The following UTP18 variants were observed in gnomAD, a reference collection of about 807,000 sequenced individuals.
UTP18 encodes the protein UTP18 small subunit processome component.
Under a neutral mutation model 61.1 loss-of-function variants are expected in UTP18, and 36 were observed. The ratio of observed to expected loss-of-function variants is 0.59; its 90% CI spans 0.45 to 0.78. UTP18 has a LOEUF of 0.78. UTP18 is among the 30% of genes least tolerant of loss of function. UTP18 has a pLI of 0.00. For synonymous variants in UTP18, 282 were observed against 251.1 expected (o/e 1.12, Z -1.16); for missense variants, 753 against 693.9 (o/e 1.09, Z -0.96).
chr17:51,268,983 C>A, intron 4 of UTP18, 79 bp downstream of exon 4: 1 of 1,430,302 alleles, frequency 7.0e-7, no homozygotes, highest in Non-Finnish European at 9.7e-7. Context: ...TCTTATGAGG[C>A]TCATTAAAAC....
chr17:51,264,028 CT>C (rs1243046042), intron 2 of UTP18, among the ~76,000 whole-genome samples: 1,468 of 143,420 alleles, frequency 0.01, 23 homozygotes, highest in African/African-American at 0.03. Context: ...TTCTTTTTCC[CT>C]TTTTTTTTTT....
intron 3 of UTP18, among the ~76,000 whole-genome samples, chr17:51,267,641 C>T (rs1043115235): frequency 1.3e-5 from 2 of 152,050 alleles, no homozygotes; most frequent in Non-Finnish European, 2.9e-5. Flanking sequence ...AATTCAATTA[C>T]GTATTTTGGT....
chr17:51,260,976 G>C (rs1019003543), intron 1 of UTP18, 50 bp downstream of exon 1: 1 of 1,411,296 alleles, frequency 7.1e-7, no homozygotes, highest in Non-Finnish European at 9.2e-7. Context: ...CGGGGCGCGC[G>C]GTGGGCGGTG....
At chr17:51,266,416 C>G in intron 3 of UTP18, 136 bp downstream of exon 3, 1 of 556,044 alleles carries the variant, frequency 1.8e-6, no homozygotes, top group Non-Finnish European at 2.8e-6. Context: ...GACTAAATTT[C>G]TGTAGTTTTT....
chr17:51,288,580 C>T (rs966024759), intron 11 of UTP18: 10 of 457,328 alleles, frequency 2.2e-5, no homozygotes, highest in African/African-American at 1.0e-4. Context: ...AGGCAATTCT[C>T]GGGTTTTGAA....
In UTP18 at chr17:51,285,286, T is replaced by G. The variant is rs762636224; in HGVS notation, c.1246T>G (p.Cys416Gly). Reference protein sequence around the residue: ...VYVWDVNSRKCLNRFVDEGSL... With the variant: ...VYVWDVNSRKGLNRFVDEGSL... ...TGTTTGGGATGTGAACTCAAGGAAG[T>G]GCCTTAACAGATTTGTTGATGAAGG... The change falls in exon 10 of 14, where the codon TGC becomes GGC. Residue 416 changes from cysteine to glycine, a missense_variant. By Grantham distance (159) the Cys-to-Gly change is radical. Coordinates refer to ENST00000225298, the MANE Select transcript of UTP18 (RefSeq NM_016001.3). 1 of 1,613,974 alleles carries G rather than the reference T, an allele frequency of 6.2e-7. No individual in the cohort carries two copies. Among genetic ancestry groups the G allele is most frequent in the Non-Finnish European group, 8.5e-7 (1 of 1,179,938 alleles).
At chr17:51,277,345 C>G in intron 7 of UTP18, 41 bp downstream of exon 7, 4 of 1,603,138 alleles carry the variant, frequency 2.5e-6, no homozygotes, top group Non-Finnish European at 3.4e-6. Context: ...TCATTCCCCC[C>G]AAGGTGAGTT....
At chr17:51,277,359 G>T in intron 7 of UTP18, 55 bp downstream of exon 7, 2 of 1,583,370 alleles carry the variant, frequency 1.3e-6, no homozygotes, top group South Asian at 2.3e-5. Flanking sequence ...GTGAGTTTAT[G>T]TAACAGTGTT....
At chr17:51,295,403 C>T (rs1029772649) in intron 12 of UTP18, among the ~76,000 whole-genome samples, 2 of 152,178 alleles carry the variant, frequency 1.3e-5, no homozygotes, top group Non-Finnish European at 2.9e-5. Flanking sequence ...GACCCAGTTT[C>T]AGCTTTCTAC....
At chr17:51,273,092 A>G (rs1221827095) in intron 4 of UTP18, among the ~76,000 whole-genome samples, 6 of 152,176 alleles carry the variant, frequency 3.9e-5, no homozygotes, top group Non-Finnish European at 7.3e-5. Flanking sequence ...TTTAGTAACC[A>G]TCTGTGTATG....
At chr17:51,293,649 G>C (rs191037980) in intron 11 of UTP18, among the ~76,000 whole-genome samples, 1 of 152,192 alleles carries the variant, frequency 6.6e-6, no homozygotes, top group South Asian at 2.1e-4. Flanking sequence ...ACACTTAAGA[G>C]CCCAGACTTC....
At position 51,288,105 on chromosome 17, in the gene UTP18, A is replaced by C; in HGVS notation, c.1405A>C (p.Ile469Leu). ...AACAAACCCAAAGCCAATAAAAGCT[A>C]TAATGAACTTGGTTACAGGTGTTAC... ...QETNPKPIKA[I>L]MNLVTGVTSL... Residue 469 changes from isoleucine to leucine, a missense_variant, in exon 11 of 14, where the codon ATA (isoleucine) becomes CTA (leucine). Coordinates refer to ENST00000225298, the MANE Select transcript of UTP18 (RefSeq NM_016001.3). 3 of 1,611,364 alleles carry C rather than the reference A, an allele frequency of 1.9e-6. No individual in the cohort carries two copies. Among genetic ancestry groups the C allele is most frequent in the South Asian group, 1.1e-5 (1 of 90,178 alleles).
At chr17:51,285,207 G>C in intron 9 of UTP18, 38 bp from the exon 10 acceptor site, 1 of 1,609,906 alleles carries the variant, frequency 6.2e-7, no homozygotes, top group Non-Finnish European at 8.5e-7. Context: ...CAAGTTTAAA[G>C]CAAAATTAAC....
In UTP18 at chr17:51,266,302, A is replaced by G; in HGVS notation, c.554+22A>G. On this transcript the variant is annotated intron_variant, in intron 3 of 13. Transcript: ENST00000225298. ...AAGAGTAAGTGTCTTTTTTCATATG[A>G]TTTACCAAGAGGTGTATGTAACCAA... 1.9e-6 allele frequency: 3 copies of G among 1,545,716 alleles called. No homozygotes were observed. In the South Asian group the frequency reaches 3.7e-5, roughly 19 times the overall value.
intron 6 of UTP18, among the ~76,000 whole-genome samples, chr17:51,276,759 T>A (rs1904734575): frequency 6.6e-6 from 1 of 152,196 alleles, no homozygotes; most frequent in African/African-American, 2.4e-5. Flanking sequence ...TAACACTTGG[T>A]CCAGTTCATG....
chr17:51,288,577 T>G, intron 11 of UTP18: 1 of 457,536 alleles, frequency 2.2e-6, no homozygotes, highest in Non-Finnish European at 4.4e-6. Flanking sequence ...CGGAGGCAAT[T>G]CTCGGGTTTT....
intron 7 of UTP18, among the ~76,000 whole-genome samples, chr17:51,278,906 G>T (rs1016204169): frequency 1.6e-4 from 24 of 152,122 alleles, no homozygotes; most frequent in African/African-American, 5.6e-4. Context: ...AAATAATATT[G>T]GGGAGCATGA....
chr17:51,288,563 A>C, intron 11 of UTP18: 1 of 458,442 alleles, frequency 2.2e-6, no homozygotes, highest in South Asian at 1.5e-5. Flanking sequence ...TTGTCTTAAC[A>C]GAACGGAGGC....
At chr17:51,268,737 G>A (rs1267665181) in intron 3 of UTP18, 100 bp from the exon 4 acceptor site, 7 of 905,706 alleles carry the variant, frequency 7.7e-6, no homozygotes, top group Non-Finnish European at 1.0e-5. Flanking sequence ...GAGTCCATAC[G>A]TATTCTCAAG....
Sources: allele counts gnomAD v4.1 joint callset (sites outside exome capture counted in the v4.1 genomes callset), GRCh38; gene constraint gnomAD v4.1.1; transcripts MANE v1.5; gene names NCBI Gene and HGNC (gene_info 2026-07-23, HGNC 2026-07-21).